PDE7B: variants seen among roughly 807,000 people sequenced by gnomAD.
PDE7B encodes the protein 3',5'-cyclic-AMP phosphodiesterase 7B.
In PDE7B, 29 loss-of-function variants were observed where a neutral mutation model predicts 56.2. The ratio of observed to expected loss-of-function variants is 0.52; its 90% CI spans 0.38 to 0.70. PDE7B has a LOEUF of 0.70. Among genes scored for constraint, PDE7B ranks in the 30% least tolerant of loss-of-function variants. The pLI is 0.00. For missense variants in PDE7B, 490 were observed against 565.0 expected (o/e 0.87, Z 1.35); for synonymous variants, 197 against 196.9 (o/e 1.00, Z 0.00).
intron 1 of PDE7B, among the ~76,000 whole-genome samples, chr6:135,933,243 A>T (rs1774326219): frequency 6.6e-6 from 1 of 152,212 alleles, no homozygotes; most frequent in South Asian, 2.1e-4. Flanking sequence ...GTGTATAAAT[A>T]TGCATGTATA....
intron 2 of PDE7B, among the ~76,000 whole-genome samples, chr6:135,997,052 C>G (rs1775576926): frequency 6.6e-6 from 1 of 152,098 alleles, no homozygotes; most frequent in South Asian, 2.1e-4. Flanking sequence ...GGCCATCATT[C>G]ACTTCAAATC....
intron 1 of PDE7B, among the ~76,000 whole-genome samples, chr6:135,897,318 C>T (rs548144002): frequency 1.5e-4 from 22 of 151,488 alleles, no homozygotes; most frequent in Non-Finnish European, 5.9e-5. Context: ...GAAGGAGGGA[C>T]AGTGTGTGTT....
At chr6:135,878,529 G>A (rs1166896478) in intron 1 of PDE7B, among the ~76,000 whole-genome samples, 4 of 151,870 alleles carry the variant, frequency 2.6e-5, no homozygotes, top group Admixed American at 6.6e-5. Context: ...TACAGATGTC[G>A]CTATTACAAA....
Position 135,987,558 on chromosome 6 carries a change from T to A in PDE7B, c.82+40034T>A, listed in dbSNP as rs183624181. ...CCTTCAGAATAACACTTGAGTTAAG[T>A]CGCATAAGACAGATCCCACTTATTC... On this transcript the variant is annotated intron_variant, in intron 2 of 12. Coordinates refer to ENST00000308191, the MANE Select transcript of PDE7B (RefSeq NM_018945.4). 2.6e-5 allele frequency among the ~76,000 whole-genome samples: 4 copies of A among 152,250 alleles called. No homozygotes were observed. In the East Asian group the frequency reaches 7.7e-4, roughly 29 times the overall value.
intron 1 of PDE7B, among the ~76,000 whole-genome samples, chr6:135,886,647 C>A (rs936605450): frequency 6.6e-6 from 1 of 152,146 alleles, no homozygotes; most frequent in African/African-American, 2.4e-5. Context: ...TGAGCTACTT[C>A]ACTTAGAATA....
chr6:136,058,463 A>T (rs1776777381), intron 2 of PDE7B, among the ~76,000 whole-genome samples: 1 of 152,172 alleles, frequency 6.6e-6, no homozygotes, highest in Non-Finnish European at 1.5e-5. Flanking sequence ...ATTTCCTGGG[A>T]ATTCAGTAGC....
At chr6:135,892,687 A>ATC (rs1331463127) in intron 1 of PDE7B, among the ~76,000 whole-genome samples, 1 of 152,208 alleles carries the variant, frequency 6.6e-6, no homozygotes, top group Non-Finnish European at 1.5e-5. Flanking sequence ...ATTGATTGAC[A>ATC]TCTAACATGA....
At chr6:136,132,029 T>C (rs1337059719) in intron 3 of PDE7B, among the ~76,000 whole-genome samples, 1 of 152,210 alleles carries the variant, frequency 6.6e-6, no homozygotes, top group Non-Finnish European at 1.5e-5. Flanking sequence ...TTTACTATAC[T>C]TTTTATGTGG....
chr6:135,971,605 G>T (rs2128202926), intron 2 of PDE7B, among the ~76,000 whole-genome samples: 1 of 152,284 alleles, frequency 6.6e-6, no homozygotes, highest in Non-Finnish European at 1.5e-5. Context: ...AAAAAGTAGT[G>T]ACATTACTGA....
At chr6:135,969,943 T>G (rs1258879546) in intron 2 of PDE7B, among the ~76,000 whole-genome samples, 3 of 152,160 alleles carry the variant, frequency 2.0e-5, no homozygotes, top group Non-Finnish European at 4.4e-5. Flanking sequence ...ACTAGTGAAG[T>G]GCCATGCTAT....
chr6:135,941,842 C>T (rs1774510983), intron 1 of PDE7B, among the ~76,000 whole-genome samples: 1 of 152,104 alleles, frequency 6.6e-6, no homozygotes, highest in Admixed American at 6.6e-5. Context: ...GCTAATGTTT[C>T]CACTGTTCTG....
chr6:136,017,784 C>T (rs1776002595), intron 2 of PDE7B, among the ~76,000 whole-genome samples: 1 of 152,102 alleles, frequency 6.6e-6, no homozygotes, highest in Non-Finnish European at 1.5e-5. Flanking sequence ...CTCTAATTAG[C>T]ATAGGAAATG....
chr6:136,026,653 T>G (rs151299862), intron 2 of PDE7B, among the ~76,000 whole-genome samples: 1 of 152,238 alleles, frequency 6.6e-6, no homozygotes, highest in Non-Finnish European at 1.5e-5. Context: ...AGCCTGATAG[T>G]ATCTGCACCC....
At chr6:136,108,216 G>A (rs552963175) in intron 2 of PDE7B, among the ~76,000 whole-genome samples, 1 of 152,010 alleles carries the variant, frequency 6.6e-6, no homozygotes, top group African/African-American at 2.4e-5. Flanking sequence ...AGACTGTCCT[G>A]TGTGCAAGAG....
intron 2 of PDE7B, among the ~76,000 whole-genome samples, chr6:135,978,410 C>T (rs911963736): frequency 1.3e-5 from 2 of 151,844 alleles, no homozygotes; most frequent in African/African-American, 2.4e-5. Context: ...ATATGAAGAC[C>T]GAGAATGTTA....
intron 2 of PDE7B, among the ~76,000 whole-genome samples, chr6:136,009,250 G>C (rs962944180): frequency 1.3e-5 from 2 of 151,842 alleles, no homozygotes; most frequent in Non-Finnish European, 2.9e-5. Context: ...TTGTAGTATA[G>C]TTTGAAGTCA....
chr6:135,925,682 C>T (rs1583774837), intron 1 of PDE7B, among the ~76,000 whole-genome samples: 1 of 152,092 alleles, frequency 6.6e-6, no homozygotes, highest in East Asian at 1.9e-4. Context: ...AAAGCAAAAG[C>T]CCTGGTTGAA....
At chr6:136,027,913 C>T (rs899698681) in intron 2 of PDE7B, among the ~76,000 whole-genome samples, 17 of 152,306 alleles carry the variant, frequency 1.1e-4, no homozygotes, top group African/African-American at 3.4e-4. Context: ...TGAGCCACCA[C>T]GCCCAGCCTG....
chr6:136,051,760 C>A (rs1340957281), intron 2 of PDE7B, among the ~76,000 whole-genome samples: 2 of 152,178 alleles, frequency 1.3e-5, no homozygotes, highest in East Asian at 3.8e-4. Context: ...AGATTTCTTA[C>A]CATATCCAAA....
Sources: allele counts gnomAD v4.1 joint callset (sites outside exome capture counted in the v4.1 genomes callset), GRCh38; gene constraint gnomAD v4.1.1; transcripts MANE v1.5; gene names NCBI Gene and HGNC (gene_info 2026-07-23, HGNC 2026-07-21).